ZNF69: variants seen among roughly 807,000 people sequenced by gnomAD.
ZNF69 encodes the protein ZNF3.
In ZNF69, 47 loss-of-function variants were observed where a neutral mutation model predicts 50.9. The ratio of observed to expected loss-of-function variants is 0.92; its 90% CI spans 0.73 to 1.18. ZNF69 has a LOEUF of 1.18. Ranked by LOEUF, ZNF69 falls within the 50% of genes most tolerant of loss-of-function variation. The pLI is 0.00. For missense variants in ZNF69, 717 were observed against 675.1 expected (o/e 1.06, Z -0.69); for synonymous variants, 216 against 223.1 (o/e 0.97, Z 0.29).
At chr19:11,898,353 C>T (rs1328932026) in intron 1 of ZNF69, among the ~76,000 whole-genome samples, 5 of 148,192 alleles carry the variant, frequency 3.4e-5, no homozygotes, top group African/African-American at 9.9e-5. Context: ...AGAGTTCCCG[C>T]AGTTTTCTTC....
chr19:11,909,108 C>G (rs1190022629), downstream of ZNF69, among the ~76,000 whole-genome samples: 1 of 152,042 alleles, frequency 6.6e-6, no homozygotes, highest in East Asian at 1.9e-4. Flanking sequence ...TACACCCTCC[C>G]AAGACTAAAC....
At chr19:11,896,406 T>C (rs941596822) in intron 1 of ZNF69, among the ~76,000 whole-genome samples, 1 of 151,986 alleles carries the variant, frequency 6.6e-6, no homozygotes, top group African/African-American at 2.4e-5. Context: ...CAAATTACCA[T>C]AGACTGGGTG....
the ZNF69 span, among the ~76,000 whole-genome samples, chr19:11,969,199 G>A: frequency 1.3e-5 from 2 of 152,178 alleles, no homozygotes; most frequent in Admixed American, 6.5e-5. Flanking sequence ...CTGCCTTCTG[G>A]GTTCAAGTAA....
rs1972304508 is a variant in ZNF69 at position 11,903,910 on chromosome 19, A to C, written c.196A>C (p.Ser66Arg). ...TTTCTGTGTCTATATTTTAGGAAAA[A>C]GTTGGAAAGACCAGAACATTGAATA... The part of the protein sequence containing the change: ...TFRNLTSVGK[S>R]WKDQNIEYEY... Residue 66 changes from serine (S) to arginine (R), a missense_variant, in exon 3 of 4, where the codon AGT becomes CGT. Coordinates refer to ENST00000429654, the MANE Select transcript of ZNF69 (RefSeq NM_001364730.1). 2 of 1,613,790 alleles carry C rather than the reference A, an allele frequency of 1.2e-6. No homozygotes were observed. The highest frequency in any genetic ancestry group is 1.7e-6 in the Non-Finnish European group (2 of 1,179,910).
chr19:11,924,983 G>T, the ZNF69 span: 1 of 474,170 alleles, frequency 2.1e-6, no homozygotes, highest in Non-Finnish European at 3.8e-6. Context: ...GCTCTGCGGG[G>T]CCTGATACCC....
chr19:11,977,146 A>G, the ZNF69 span: 8 of 1,614,152 alleles, frequency 5.0e-6, no homozygotes, highest in South Asian at 6.6e-5. Context: ...GGAAACTTTC[A>G]GGAACCTGAC....
chr19:11,907,768 C>T (rs373749882), downstream of ZNF69, among the ~76,000 whole-genome samples: 10 of 152,134 alleles, frequency 6.6e-5, no homozygotes, highest in East Asian at 1.9e-4. Flanking sequence ...TATCAACTAA[C>T]GAGCAAAATA....
At chr19:11,897,505 T>C (rs1307020490) in intron 1 of ZNF69, among the ~76,000 whole-genome samples, 1 of 142,798 alleles carries the variant, frequency 7.0e-6, no homozygotes, top group Non-Finnish European at 1.5e-5. Flanking sequence ...AGCCTAAGAG[T>C]TCGAGGCTGC....
the ZNF69 span, chr19:11,926,493 AT>A: frequency 6.6e-6 from 1 of 152,458 alleles, no homozygotes; most frequent in Non-Finnish European, 1.5e-5. Flanking sequence ...GGTTCAAGTG[AT>A]TCTCCTGCCT....
At position 11,904,683 on chromosome 19, in the gene ZNF69, G is replaced by C; in HGVS notation, c.286G>C (p.Asp96His). The change falls in exon 4 of 4, where the codon GAT (aspartate) becomes CAT (histidine). Residue 96 changes from aspartate (D) to histidine (H), a missense_variant. Transcript: ENST00000429654. Reference protein sequence around the residue: ...LIEKKVNEIKDDSHCGETFTQ... With the variant: ...LIEKKVNEIKHDSHCGETFTQ... ...AGAAAAGAAAGTCAATGAAATTAAA[G>C]ATGACAGTCATTGTGGAGAAACTTT... The C allele has an allele frequency of 1.2e-6, 2 of 1,613,480 alleles. No individual in the cohort carries two copies. Among genetic ancestry groups the C allele is most frequent in the Non-Finnish European group, 1.7e-6 (2 of 1,179,756 alleles).
the ZNF69 span, among the ~76,000 whole-genome samples, chr19:11,955,736 A>T: frequency 6.6e-6 from 1 of 152,236 alleles, no homozygotes; most frequent in African/African-American, 2.4e-5. Flanking sequence ...AGTGAATTAC[A>T]AAGATTCGGA....
At chr19:11,904,087 A>G in intron 3 of ZNF69, 122 bp downstream of exon 3, 2 of 1,268,226 alleles carry the variant, frequency 1.6e-6, no homozygotes, top group Non-Finnish European at 2.2e-6. Context: ...AGAATATTTG[A>G]TCAAAAAACA....
the ZNF69 span, among the ~76,000 whole-genome samples, chr19:11,953,772 AC>A: frequency 6.6e-6 from 1 of 152,230 alleles, no homozygotes; most frequent in South Asian, 2.1e-4. Flanking sequence ...AACACACCCA[AC>A]ATTACCCTGG....
chr19:11,892,422 TG>T (rs1977117671), intron 1 of ZNF69, among the ~76,000 whole-genome samples: 1 of 152,020 alleles, frequency 6.6e-6, no homozygotes, highest in African/African-American at 2.4e-5. Flanking sequence ...GAAGTCTTTG[TG>T]TGAGAAAGTT....
At chr19:11,903,017 G>C (rs1972278675) in intron 1 of ZNF69, among the ~76,000 whole-genome samples, 1 of 152,126 alleles carries the variant, frequency 6.6e-6, no homozygotes, top group East Asian at 1.9e-4. Flanking sequence ...CATGCCTGTG[G>C]TCTCAACTAC....
chr19:11,976,858 T>C, the ZNF69 span: 1 of 1,448,300 alleles, frequency 6.9e-7, no homozygotes, highest in Non-Finnish European at 9.0e-7. Context: ...TGAAAATCCA[T>C]CTCAAAACAA....
At chr19:11,953,841 GA>G in the ZNF69 span, among the ~76,000 whole-genome samples, 2 of 152,280 alleles carry the variant, frequency 1.3e-5, no homozygotes, top group East Asian at 3.9e-4. Context: ...CAGAGAAAAT[GA>G]AATGTATTCA....
In ZNF69 at chr19:11,888,334, G is replaced by A. The variant is rs1224472207; in HGVS notation, c.63+348G>A. On this transcript the variant is annotated intron_variant, in intron 1 of 3. Transcript: ENST00000429654. ...GGGGTTCGTGCTTGGGAGGAGCAGC[G>A]GTCTGTGGGGCCCCCAGTGTCCACT... is the stretch of plus-strand genomic sequence containing the variant. Among the ~76,000 whole-genome samples the A allele has an allele frequency of 1.1e-4, 17 of 152,218 alleles. 1 individual carries two copies. The highest frequency in any genetic ancestry group is 2.5e-4 in the Non-Finnish European group (17 of 68,046).
the ZNF69 span, chr19:11,953,338 G>A: frequency 6.6e-6 from 1 of 152,264 alleles, no homozygotes; most frequent in African/African-American, 2.4e-5. Context: ...CTACGGGGGT[G>A]TCTTGATCCT....
Sources: allele counts gnomAD v4.1 joint callset (sites outside exome capture counted in the v4.1 genomes callset), GRCh38; gene constraint gnomAD v4.1.1; transcripts MANE v1.5; gene names NCBI Gene and HGNC (gene_info 2026-07-23, HGNC 2026-07-21).